The following AFAP1 variants were observed in gnomAD, a reference collection of about 807,000 sequenced individuals.
AFAP1 encodes the protein actin filament-associated protein 1.
Under a neutral mutation model 93.9 loss-of-function variants are expected in AFAP1, and 75 were observed. The ratio of observed to expected loss-of-function variants is 0.80; its 90% CI spans 0.66 to 0.97. The LOEUF is 0.97. Among genes scored for constraint, AFAP1 ranks in the 50% least tolerant of loss-of-function variants. The probability of loss-of-function intolerance (pLI) is 0.00; values close to 1 mark genes in which losing one functional copy is unlikely to be tolerated. For synonymous variants in AFAP1, 517 were observed against 430.7 expected, an observed-to-expected ratio of 1.20 and a Z score of -2.48; for missense variants, 1,201 against 1,050.8, an observed-to-expected ratio of 1.14 and a Z score of -1.98.
chr4:7,931,092 C>T (rs985960688), intron 1 of AFAP1, among the ~76,000 whole-genome samples: 2 of 152,124 alleles, frequency 1.3e-5, no homozygotes, highest in Non-Finnish European at 2.9e-5. Flanking sequence ...GGGAGAAAAA[C>T]GTGGGCAACA....
In AFAP1 at chr4:7,847,235, G is replaced by A. The variant is rs138255626; in HGVS notation, c.335-3885C>T. On this transcript the variant is annotated intron_variant, in intron 4 of 17. Coordinates refer to ENST00000420658, the MANE Select transcript of AFAP1 (RefSeq NM_001134647.2). ...GAACTCTCCAGAAAGTATGCTTAGC[G>A]ATGACCCAATCAAGAGAACTCTCCA... Among the ~76,000 whole-genome samples the A allele has an allele frequency of 2.6e-3, 390 of 150,806 alleles. 1 individual carries two copies. The highest frequency in any genetic ancestry group is 7.3e-3 in the African/African-American group (301 of 41,026).
chr4:7,931,602 T>C (rs1721073893), intron 1 of AFAP1, among the ~76,000 whole-genome samples: 2 of 151,342 alleles, frequency 1.3e-5, no homozygotes, highest in South Asian at 4.2e-4. Flanking sequence ...AGGATGGTCT[T>C]GAACTGCTGA....
At chr4:7,794,350 CT>C (rs1378980530) in intron 10 of AFAP1, among the ~76,000 whole-genome samples, 3 of 152,172 alleles carry the variant, frequency 2.0e-5, no homozygotes. Context: ...AAGTAATTTC[CT>C]TTGATATCAA....
chr4:7,919,209 G>A (rs1246464047), intron 1 of AFAP1, among the ~76,000 whole-genome samples: 2 of 152,166 alleles, frequency 1.3e-5, no homozygotes, highest in East Asian at 1.9e-4. Context: ...AGATTATCCC[G>A]GCCCAACGGC....
Position 7,761,858 on chromosome 4 carries a change from T to G in AFAP1, c.*1907A>C, listed in dbSNP as rs1010541074. On this transcript the variant is annotated 3_prime_UTR_variant, in exon 18 of 18. Coordinates refer to ENST00000420658, the MANE Select transcript of AFAP1 (RefSeq NM_001134647.2). ...TGGAGGGAGGGCTCCTCTATGGCAA[T>G]GCAGCGGACGGCCCTGAGGTGTGTG... is the stretch of plus-strand genomic sequence containing the variant. The G allele has an allele frequency of 6.6e-6, 1 of 152,256 alleles. No homozygotes were observed. Among genetic ancestry groups the G allele is most frequent in the Non-Finnish European group, 1.5e-5 (1 of 68,060 alleles). The allele number at this position is 152,256 out of a possible 1,614,324, so 9.4% of individuals were successfully genotyped here.
chr4:7,926,044 C>T (rs558568848), intron 1 of AFAP1, among the ~76,000 whole-genome samples: 17 of 152,288 alleles, frequency 1.1e-4, no homozygotes, highest in African/African-American at 2.4e-4. Context: ...CACTTTACCC[C>T]GAGGGAGAAG....
chr4:7,846,050 G>C (rs1264627838), intron 4 of AFAP1, among the ~76,000 whole-genome samples: 2 of 152,204 alleles, frequency 1.3e-5, no homozygotes, highest in African/African-American at 4.8e-5. Context: ...GTCTGAGAAG[G>C]AGAAACGCGA....
chr4:7,934,975 C>T (rs1204123231), intron 1 of AFAP1, among the ~76,000 whole-genome samples: 1 of 152,106 alleles, frequency 6.6e-6, no homozygotes, highest in South Asian at 2.1e-4. Flanking sequence ...TTAATGATAA[C>T]TGAAACACAA....
At chr4:7,823,638 C>G (rs1721169928) in intron 6 of AFAP1, among the ~76,000 whole-genome samples, 1 of 152,200 alleles carries the variant, frequency 6.6e-6, no homozygotes, top group Admixed American at 6.5e-5. Flanking sequence ...ATCAAAGCAC[C>G]TCACGTAATC....
Position 7,793,839 on chromosome 4 carries a change from G to A in AFAP1, c.1267-13C>T. The A allele has an allele frequency of 3.3e-6, 5 of 1,512,296 alleles. No individual in the cohort carries two copies. The highest frequency in any genetic ancestry group is 4.5e-6 in the Non-Finnish European group (5 of 1,115,600). The allele number at this position is 1,512,296 out of a possible 1,614,324, so 93.7% of individuals were successfully genotyped here. A position where few individuals can be genotyped will look rare whatever the true frequency, so the allele number is the denominator to read the frequency against. On this transcript the variant is annotated splice_polypyrimidine_tract_variant and intron_variant, in intron 10 of 17. Transcript: ENST00000420658. The stretch of plus-strand genomic sequence containing the variant: ...CAGAAGAAGATGCCTGTTGAAGTGG[G>A]AAAAAAGGTAGGCTGTATTTAACTA...
Position 7,781,516 on chromosome 4 carries a change from G to A in AFAP1, c.1642C>T (p.Arg548Cys), listed in dbSNP as rs199852119. ...DNLPPPHIFA[R>C]YSPADRKASR... ...GCCTTTCTGTCAGCAGGAGAGTAGC[G>A]GGCAAAGATGTGCGGAGGCGGCAAG... Residue 548 changes from arginine to cysteine, a missense_variant, in exon 13 of 18, where the codon CGC (arginine) becomes TGC (cysteine). Arg to Cys is a radical substitution (Grantham distance 180, BLOSUM62 -3). Coordinates refer to ENST00000420658, the MANE Select transcript of AFAP1 (RefSeq NM_001134647.2). 386 of 1,552,184 alleles carry A rather than the reference G, an allele frequency of 2.5e-4. 3 individuals carry two copies. The South Asian group carries it at 2.5e-3, about 10-fold the overall frequency.
chr4:7,896,802 C>A (rs1338947964), intron 1 of AFAP1, among the ~76,000 whole-genome samples: 3 of 145,920 alleles, frequency 2.1e-5, no homozygotes, highest in Non-Finnish European at 3.0e-5. Flanking sequence ...TCACTCCCCC[C>A]ACACCCAGGG....
At chr4:7,878,383 G>C (rs1406476737) in intron 1 of AFAP1, among the ~76,000 whole-genome samples, 1 of 152,186 alleles carries the variant, frequency 6.6e-6, no homozygotes, top group Admixed American at 6.5e-5. Flanking sequence ...AGTTTCCACT[G>C]ATGTATTCCG....
chr4:7,899,931 A>C (rs1185492682), intron 1 of AFAP1, among the ~76,000 whole-genome samples: 1 of 150,616 alleles, frequency 6.6e-6, no homozygotes, highest in Non-Finnish European at 1.5e-5. Flanking sequence ...GAAGTGTATC[A>C]GTGACTAACA....
rs561733800 is a variant in AFAP1 at position 7,814,068 on chromosome 4, C to G, written c.904+1950G>C. 1.1e-4 allele frequency among the ~76,000 whole-genome samples: 16 copies of G among 152,274 alleles called. No individual in the cohort carries two copies. In the East Asian group the frequency reaches 3.1e-3, roughly 29 times the overall value. ...GCCCTTCACCTCCGTCCACATACTG[C>G]TAAGGAAAATTAAAAGTCCAGCCAC... is the stretch of plus-strand genomic sequence containing the variant. On this transcript the variant is annotated intron_variant, in intron 8 of 17. Coordinates refer to ENST00000420658, the MANE Select transcript of AFAP1 (RefSeq NM_001134647.2).
rs576725041 is a variant in AFAP1 at position 7,889,542 on chromosome 4, CAAAAAAAAAAAAA to C, written c.-2-17475_-2-17463del. Among the ~76,000 whole-genome samples, 5 of 60,674 alleles carry C rather than the reference CAAAAAAAAAAAAA, an allele frequency of 8.2e-5. No individual in the cohort carries two copies. The South Asian group carries it at 2.1e-3, about 25-fold the overall frequency. 39.8% of individuals were successfully genotyped at this position (60,674 alleles called of 152,430 possible). A position where few individuals can be genotyped will look rare whatever the true frequency, so the allele number is the denominator to read the frequency against. On this transcript the variant is annotated intron_variant, in intron 1 of 17. Coordinates refer to ENST00000420658, the MANE Select transcript of AFAP1 (RefSeq NM_001134647.2). ...CACTCCAGCCTGGGCAACTCCATCC[CAAAAAAAAAAAAA>C]AAAGAAAAAAAAAAAGGCATACATA...
At chr4:7,862,490 A>T (rs1715848527) in intron 3 of AFAP1, among the ~76,000 whole-genome samples, 1 of 150,872 alleles carries the variant, frequency 6.6e-6, no homozygotes, top group Admixed American at 6.7e-5. Context: ...ATGGAGCTGG[A>T]TGGTGGTGAT....
At chr4:7,860,840 G>A (rs143784256) in intron 3 of AFAP1, among the ~76,000 whole-genome samples, 7 of 152,264 alleles carry the variant, frequency 4.6e-5, no homozygotes, top group African/African-American at 1.4e-4. Context: ...ACAAGCAGAC[G>A]CATCATTTCT....
chr4:7,890,227 CAT>C (rs1718383899), intron 1 of AFAP1, among the ~76,000 whole-genome samples: 1 of 152,090 alleles, frequency 6.6e-6, no homozygotes, highest in South Asian at 2.1e-4. Flanking sequence ...TTCACCCACA[CAT>C]AAACGGTCAA....
Sources: allele counts gnomAD v4.1 joint callset (sites outside exome capture counted in the v4.1 genomes callset), GRCh38; gene constraint gnomAD v4.1.1; transcripts MANE v1.5; gene names NCBI Gene and HGNC (gene_info 2026-07-23, HGNC 2026-07-21).